TNRC6C: variants seen among roughly 807,000 people sequenced by gnomAD.
The protein encoded by TNRC6C is trinucleotide repeat-containing gene 6C protein.
Under a neutral mutation model 153.7 loss-of-function variants are expected in TNRC6C, and 20 were observed. The observed-to-expected ratio is 0.13, with a 90% CI of 0.09 to 0.19. The LOEUF (loss-of-function observed/expected upper bound fraction) is 0.19. Among genes scored for constraint, TNRC6C ranks in the 10% least tolerant of loss-of-function variants. The pLI, the probability that TNRC6C is intolerant of heterozygous loss-of-function variation, is 1.00. For missense variants in TNRC6C, 1,987 were observed against 2,172.0 expected, an observed-to-expected ratio of 0.91 and a Z score of 1.69; for synonymous variants, 811 against 841.4, an observed-to-expected ratio of 0.96 and a Z score of 0.63.
intron 1 of TNRC6C, among the ~76,000 whole-genome samples, chr17:77,978,549 G>A (rs961629640): frequency 6.6e-6 from 1 of 152,170 alleles, no homozygotes; most frequent in Admixed American, 6.5e-5. Flanking sequence ...CTAGAGAGAA[G>A]GGAGGTCTAA....
In TNRC6C at chr17:78,086,773, T is replaced by C. The variant is rs567945920; in HGVS notation, c.3562-80T>C. On this transcript the variant is annotated intron_variant, in intron 12 of 19. Transcript: ENST00000301624. The stretch of plus-strand genomic sequence containing the variant: ...AGTAGTGGCCTCAGCATAAAGACAA[T>C]GAAGAATGCATTTGGTCCCTAGACA... 9.7e-5 allele frequency: 154 copies of C among 1,581,774 alleles called. No individual in the cohort carries two copies. In the African/African-American group the frequency reaches 1.9e-3, roughly 19 times the overall value.
intron 1 of TNRC6C, among the ~76,000 whole-genome samples, chr17:77,992,565 T>G (rs1269840324): frequency 1.3e-5 from 2 of 152,158 alleles, no homozygotes; most frequent in Non-Finnish European, 2.9e-5. Flanking sequence ...CTGTGTTGCC[T>G]TGGCCCCCCA....
At chr17:78,089,927 G>C (rs2073364326) in intron 13 of TNRC6C, among the ~76,000 whole-genome samples, 1 of 152,168 alleles carries the variant, frequency 6.6e-6, no homozygotes, top group African/African-American at 2.4e-5. Context: ...TTTCCCAGAG[G>C]GGAAAGTTGG....
At chr17:77,991,799 G>A (rs530068550) in intron 1 of TNRC6C, among the ~76,000 whole-genome samples, 3 of 152,270 alleles carry the variant, frequency 2.0e-5, no homozygotes, top group South Asian at 2.1e-4. Flanking sequence ...TGAAGCATAC[G>A]GCTGTCACTT....
At chr17:78,002,502 G>A (rs931484927), upstream of TNRC6C, among the ~76,000 whole-genome samples, 1 of 152,188 alleles carries the variant, frequency 6.6e-6, no homozygotes, top group Admixed American at 6.5e-5. Context: ...TGTTGCTGTT[G>A]TAATAGCGAT....
chr17:78,056,065 G>T (rs1372168038), intron 3 of TNRC6C, among the ~76,000 whole-genome samples: 1 of 152,048 alleles, frequency 6.6e-6, no homozygotes, highest in Non-Finnish European at 1.5e-5. Context: ...GCCCAGGCTG[G>T]TCTCAAACTC....
At chr17:78,105,023 G>A (rs2073667573) in exon 20 of TNRC6C, 3 of 701,922 alleles carry the variant, frequency 4.3e-6, no homozygotes, top group Non-Finnish European at 6.1e-6. Context: ...TGCGGGCTGC[G>A]GTGGGTCAGC....
At chr17:78,030,192 C>T (rs9909778) in intron 1 of TNRC6C, among the ~76,000 whole-genome samples, 3,411 of 152,136 alleles carry the variant, frequency 0.022, 128 homozygotes, top group African/African-American at 0.076. Flanking sequence ...CTCTGTCACC[C>T]AGCCTGGAGT....
chr17:78,083,090 T>C, exon 11 of TNRC6C: 1 of 1,614,034 alleles, frequency 6.2e-7, no homozygotes, highest in Non-Finnish European at 8.5e-7. Context: ...AACATTGGTC[T>C]CAACCCTGCA....
chr17:77,989,360 A>G (rs1443497410), intron 1 of TNRC6C, among the ~76,000 whole-genome samples: 9 of 152,150 alleles, frequency 5.9e-5, no homozygotes, highest in Admixed American at 5.2e-4. Context: ...CTTAGAACCT[A>G]TTTTACATGT....
intron 1 of TNRC6C, among the ~76,000 whole-genome samples, chr17:77,964,682 A>G (rs528135208): frequency 4.3e-4 from 65 of 152,340 alleles, no homozygotes; most frequent in Non-Finnish European, 8.4e-4. Flanking sequence ...GGAAATGGCA[A>G]CGCGGGCACA....
upstream of TNRC6C, among the ~76,000 whole-genome samples, chr17:78,001,292 G>T (rs2143153524): frequency 6.6e-6 from 1 of 152,232 alleles, no homozygotes; most frequent in South Asian, 2.1e-4. Context: ...ATCCAATTTG[G>T]CCCTTCAAAC....
At chr17:78,088,353 T>C (rs981864502) in intron 13 of TNRC6C, among the ~76,000 whole-genome samples, 1 of 152,182 alleles carries the variant, frequency 6.6e-6, no homozygotes, top group African/African-American at 2.4e-5. Context: ...CACTACTAAC[T>C]TGGGCAACTT....
upstream of TNRC6C, among the ~76,000 whole-genome samples, chr17:78,002,482 A>G (rs949659043): frequency 4.6e-5 from 7 of 152,222 alleles, no homozygotes; most frequent in African/African-American, 1.4e-4. Context: ...TTCTCACTGC[A>G]TTTTATACTT....
intron 13 of TNRC6C, among the ~76,000 whole-genome samples, chr17:78,091,033 T>A (rs2073384455): frequency 6.6e-6 from 1 of 152,244 alleles, no homozygotes; most frequent in Non-Finnish European, 1.5e-5. Flanking sequence ...AGGACCATGT[T>A]TATTCAGCAC....
chr17:78,092,843 A>G, intron 14 of TNRC6C, 90 bp from the exon 17 acceptor site: 2 of 1,133,240 alleles, frequency 1.8e-6, no homozygotes, highest in Non-Finnish European at 2.5e-6. Context: ...GACCTAGAAC[A>G]GAAGGTACAT....
rs967583880 is a variant in TNRC6C, at chr17:78,098,286, A to G, written c.4307-57A>G. On this transcript the variant is annotated intron_variant, in intron 16 of 19. Coordinates refer to ENST00000301624, the Ensembl canonical transcript of TNRC6C. ...CTCTGTGTGGCTCCCCAAACACAGC[A>G]GTGAGTTTTCTTCTTTGTCTCAAGA... The G allele has an allele frequency of 4.7e-6, 7 of 1,483,758 alleles. No homozygotes were observed. The African/African-American group carries it at 8.4e-5, about 18-fold the overall frequency. 91.9% of individuals were successfully genotyped at this position (1,483,758 alleles called of 1,614,324 possible).
intron 18 of TNRC6C, among the ~76,000 whole-genome samples, chr17:78,103,035 C>T (rs2073625922): frequency 6.6e-6 from 1 of 152,108 alleles, no homozygotes. Context: ...CTAGCCAGTC[C>T]CTTCCCGGGA....
chr17:77,991,639 G>C (rs901428732), intron 1 of TNRC6C, among the ~76,000 whole-genome samples: 1 of 152,192 alleles, frequency 6.6e-6, no homozygotes, highest in Non-Finnish European at 1.5e-5. Flanking sequence ...CTGCAGGAGA[G>C]AAACATCTTG....
Sources: allele counts gnomAD v4.1 joint callset (sites outside exome capture counted in the v4.1 genomes callset), GRCh38; gene constraint gnomAD v4.1.1; transcripts MANE v1.5; gene names NCBI Gene and HGNC (gene_info 2026-07-23, HGNC 2026-07-21).